MLYCD: variants seen among roughly 807,000 people sequenced by gnomAD.
MLYCD encodes malonyl-CoA decarboxylase, also known as malonyl-CoA decarboxylase, mitochondrial.
In MLYCD, 27 loss-of-function variants were observed where a neutral mutation model predicts 35.8. That is an observed-to-expected ratio of 0.75 (90% CI 0.56 to 1.04). The LOEUF is 1.04. Ranked by LOEUF, MLYCD falls within the 50% of genes least tolerant of loss-of-function variation. The pLI is 0.00. For synonymous variants in MLYCD, 403 were observed against 302.4 expected, an observed-to-expected ratio of 1.33 and a Z score of -3.45; for missense variants, 917 against 665.1, an observed-to-expected ratio of 1.38 and a Z score of -4.17.
In MLYCD at chr16:83,920,899, A is replaced by AGG. The variant is rs1907629281; in HGVS notation, c.*5410_*5411insGG. The AGG allele has an allele frequency of 7.2e-6, 1 of 139,594 alleles. No individual in the cohort carries two copies. The highest frequency in any genetic ancestry group is 1.6e-5 in the Non-Finnish European group (1 of 63,330). 8.6% of individuals were successfully genotyped at this position (139,594 alleles called of 1,614,324 possible). On this transcript the variant is annotated 3_prime_UTR_variant, in exon 5 of 5. Coordinates refer to ENST00000262430, the MANE Select transcript of MLYCD (RefSeq NM_012213.3). ...ATTAGATGGATGGATGGAAGGAAGG[A>AGG]AGATGGATGGATGGATGGATGGATG...
rs151025265 is a variant in MLYCD, at chr16:83,921,707, G to C, written c.*6218G>C. The C allele has an allele frequency of 6.6e-6, 1 of 152,214 alleles. No individual in the cohort carries two copies. Among genetic ancestry groups the C allele is most frequent in the Non-Finnish European group, 1.5e-5 (1 of 68,046 alleles). The allele number at this position is 152,214 out of a possible 1,614,324, so 9.4% of individuals were successfully genotyped here. On this transcript the variant is annotated 3_prime_UTR_variant, in exon 5 of 5. Transcript: ENST00000262430. The stretch of plus-strand genomic sequence containing the variant: ...CTGTTTACGTCTCACTCTTACTGTA[G>C]AACCTCTAGAAAGGCAGGTGGCTTC...
intron 4 of MLYCD, chr16:83,914,216 T>G (rs1442485035): frequency 6.5e-6 from 1 of 152,772 alleles, no homozygotes; most frequent in African/African-American, 2.4e-5. Flanking sequence ...GAGATCTCTA[T>G]CTAGTTGGGA....
rs557955492 is a variant in MLYCD at position 83,925,877 on chromosome 16, C to T, written c.*10388C>T. 1.8e-3 allele frequency: 271 copies of T among 152,592 alleles called. 2 individuals are homozygous for T. The highest frequency in any genetic ancestry group is 3.1e-3 in the Non-Finnish European group (211 of 68,214). The allele number at this position is 152,592 out of a possible 1,614,324, so 9.5% of individuals were successfully genotyped here. A position where few individuals can be genotyped will look rare whatever the true frequency, so the allele number is the denominator to read the frequency against. On this transcript the variant is annotated 3_prime_UTR_variant, in exon 5 of 5. Transcript: ENST00000262430. Reference sequence around the variant, plus strand: ...TAGGTCACAGTCCCCCTTTATTTGCCGTCTTCTCACTGGGGCCTCTCCTTC... The same window carrying T: ...TAGGTCACAGTCCCCCTTTATTTGCTGTCTTCTCACTGGGGCCTCTCCTTC...
rs1156635969 is a variant in MLYCD, at chr16:83,919,191, CACACAATGCACAGGAGA to C, written c.*3708_*3724del. Reference sequence around the variant, plus strand: ...TACACACGGTGCACAGGAGAATTCACACACAATGCACAGGAGAACACAGTGCACAGGAGAACACACAC... The same window carrying C: ...TACACACGGTGCACAGGAGAATTCACACACAGTGCACAGGAGAACACACAC... On this transcript the variant is annotated 3_prime_UTR_variant, in exon 5 of 5. Transcript: ENST00000262430. The C allele has an allele frequency of 4.2e-5, 6 of 143,538 alleles. No homozygotes were observed. The highest frequency in any genetic ancestry group is 1.6e-4 in the African/African-American group (6 of 37,746). 8.9% of individuals were successfully genotyped at this position (143,538 alleles called of 1,614,324 possible).
At chr16:83,905,477 C>G (rs996931602) in intron 1 of MLYCD, among the ~76,000 whole-genome samples, 1 of 151,976 alleles carries the variant, frequency 6.6e-6, no homozygotes, top group Admixed American at 6.6e-5. Context: ...GGTGGGCAGC[C>G]CAGAGCTGAT....
At chr16:83,906,880 C>A in intron 1 of MLYCD, 107 bp from the exon 2 acceptor site, 1 of 937,764 alleles carries the variant, frequency 1.1e-6, no homozygotes, top group South Asian at 1.3e-5. Context: ...GCACAATTGT[C>A]TTATGTATCG....
chr16:83,911,675 A>G (rs1907184340), intron 3 of MLYCD: 1 of 157,130 alleles, frequency 6.4e-6, no homozygotes, highest in African/African-American at 2.4e-5. Context: ...ACAAAACCCA[A>G]AAGGTACATG....
In MLYCD at chr16:83,908,289, G is replaced by C; in HGVS notation, c.798+7G>C. The C allele has an allele frequency of 6.2e-7, 1 of 1,613,884 alleles. No homozygotes were observed. Among genetic ancestry groups the C allele is most frequent in the South Asian group, 1.1e-5 (1 of 91,082 alleles). ...CATCTCCAGCAACATCCAGGTACCT[G>C]CGATGGTCAATTCGGGACAAGATGG... On this transcript the variant is annotated splice_region_variant and intron_variant, in intron 3 of 4. Coordinates refer to ENST00000262430, the MANE Select transcript of MLYCD (RefSeq NM_012213.3).
At chr16:83,914,267 C>G (rs1907290437) in intron 4 of MLYCD, 1 of 158,522 alleles carries the variant, frequency 6.3e-6, no homozygotes, top group African/African-American at 2.4e-5. Context: ...GGAGAGATAC[C>G]CGCAGCGTCC....
At chr16:83,901,068 G>C (rs1906767883) in intron 1 of MLYCD, among the ~76,000 whole-genome samples, 1 of 152,190 alleles carries the variant, frequency 6.6e-6, no homozygotes, top group African/African-American at 2.4e-5. Context: ...CAGTGGCCAT[G>C]ATTTGATTCC....
At chr16:83,912,164 C>T (rs1008976048) in intron 3 of MLYCD, 54 bp from the exon 4 acceptor site, 39 of 1,611,880 alleles carry the variant, frequency 2.4e-5, no homozygotes, top group South Asian at 1.6e-4. Flanking sequence ...AGGCTTGCCT[C>T]GTGGGCTGCA....
chr16:83,912,112 G>C (rs994876955), intron 3 of MLYCD, 106 bp from the exon 4 acceptor site: 3 of 1,517,914 alleles, frequency 2.0e-6, no homozygotes, highest in Admixed American at 1.7e-5. Context: ...GTCTCTTCCA[G>C]CTCCTTCAGT....
intron 1 of MLYCD, among the ~76,000 whole-genome samples, chr16:83,902,708 G>A (rs916541364): frequency 6.6e-6 from 1 of 152,074 alleles, no homozygotes; most frequent in African/African-American, 2.4e-5. Flanking sequence ...GTTTTGCTAT[G>A]TTGGCCAGGC....
chr16:83,902,425 C>G (rs1276527328), intron 1 of MLYCD, among the ~76,000 whole-genome samples: 1 of 150,962 alleles, frequency 6.6e-6, no homozygotes, highest in East Asian at 1.9e-4. Context: ...TACCTATAAA[C>G]TATCAACTGG....
rs148866494 is a variant in MLYCD at position 83,910,874 on chromosome 16, T to G, written c.799-1344T>G. ...TCCTCACAGCAGCATTTCTTCACTT[T>G]GTTGGAGTCACAGACCCTGTTAAGA... is the stretch of plus-strand genomic sequence containing the variant. On this transcript the variant is annotated intron_variant, in intron 3 of 4. Transcript: ENST00000262430. Among the ~76,000 whole-genome samples the G allele has an allele frequency of 3.2e-4, 49 of 152,316 alleles. No homozygotes were observed. The East Asian group carries it at 7.5e-3, about 23-fold the overall frequency.
Position 83,921,013 on chromosome 16 carries a change from ATGG to A in MLYCD, c.*5528_*5530del, listed in dbSNP as rs1301021536. The A allele has an allele frequency of 6.6e-6, 1 of 150,628 alleles. No homozygotes were observed. The highest frequency in any genetic ancestry group is 1.5e-5 in the Non-Finnish European group (1 of 67,722). The allele number at this position is 150,628 out of a possible 1,614,324, so 9.3% of individuals were successfully genotyped here. A position where few individuals can be genotyped will look rare whatever the true frequency, so the allele number is the denominator to read the frequency against. On this transcript the variant is annotated 3_prime_UTR_variant, in exon 5 of 5. Transcript: ENST00000262430. ...GGGTGGAAGGAAGATGGGTGGATGGATGGTGGAGGGTGGATAGAAGGAAGATGG... is the reference window on the plus strand; with the variant it reads ...GGGTGGAAGGAAGATGGGTGGATGGATGGAGGGTGGATAGAAGGAAGATGG...
At chr16:83,913,925 CTG>C (rs1907278262) in intron 4 of MLYCD, 1 of 151,282 alleles carries the variant, frequency 6.6e-6, no homozygotes, top group African/African-American at 2.4e-5. Context: ...TTATATTACT[CTG>C]TGGTTAAAAT....
chr16:83,912,485 G>C, intron 4 of MLYCD, 118 bp downstream of exon 4: 1 of 1,409,606 alleles, frequency 7.1e-7, no homozygotes, highest in Non-Finnish European at 9.8e-7. Flanking sequence ...TAAAGGGAGG[G>C]GCAGGGGGTA....
intron 1 of MLYCD, among the ~76,000 whole-genome samples, chr16:83,903,069 A>G (rs1235751302): frequency 6.6e-6 from 1 of 152,164 alleles, no homozygotes; most frequent in Non-Finnish European, 1.5e-5. Flanking sequence ...TCGAATCCCC[A>G]GTAGAGGGGA....
Sources: gnomAD v4.1 joint callset for allele counts (sites outside exome capture counted in the v4.1 genomes callset) on GRCh38, gnomAD v4.1.1 for gene constraint, MANE v1.5 for transcripts, NCBI Gene and HGNC (gene_info 2026-07-23, HGNC 2026-07-21) for gene names.